CCDC9B: variants seen among roughly 807,000 people sequenced by gnomAD.
CCDC9B encodes coiled-coil domain-containing protein 9B.
In CCDC9B, 40 loss-of-function variants were observed where a neutral mutation model predicts 47.2. The observed-to-expected ratio is 0.85, with a 90% confidence interval of 0.66 to 1.10. CCDC9B has a LOEUF of 1.10. Ranked by LOEUF, CCDC9B falls within the 50% of genes least tolerant of loss-of-function variation. CCDC9B has a pLI of 0.00. For missense variants in CCDC9B, 662 were observed against 651.0 expected, an observed-to-expected ratio of 1.02 and a Z score of -0.18; for synonymous variants, 238 against 250.7, an observed-to-expected ratio of 0.95 and a Z score of 0.48.
chr15:40,337,510 C>A lies in CCDC9B; in HGVS notation c.684-64G>T, dbSNP rs565417600. 147 of 1,400,708 alleles carry A rather than the reference C, an allele frequency of 1.0e-4. 1 individual carries two copies. The South Asian group carries it at 1.9e-3, about 18-fold the overall frequency. The allele number at this position is 1,400,708 out of a possible 1,614,324, so 86.8% of individuals were successfully genotyped here. On this transcript the variant is annotated intron_variant, in intron 6 of 10. Coordinates refer to ENST00000397536, the MANE Select transcript of CCDC9B (RefSeq NM_207380.3). Reference sequence around the variant, plus strand: ...AGCTGCCGCGGGCCCCACCCTGACACCCCCCTCCCCGAAGCCCAGGCCCAG... The same window carrying A: ...AGCTGCCGCGGGCCCCACCCTGACAACCCCCTCCCCGAAGCCCAGGCCCAG...
chr15:40,337,336 T>G, intron 7 of CCDC9B, 52 bp downstream of exon 7: 1 of 1,496,022 alleles, frequency 6.7e-7, no homozygotes, highest in Non-Finnish European at 9.3e-7. Flanking sequence ...GACAAGGGGG[T>G]GAAAGATGAA....
intron 1 of CCDC9B, chr15:40,340,479 C>A (rs1482380497): frequency 2.5e-6 from 1 of 405,170 alleles, no homozygotes. Context: ...AGGCCCTGGA[C>A]CCCGCACCTA....
chr15:40,336,875 A>C, intron 7 of CCDC9B, 62 bp from the exon 8 acceptor site: 1 of 1,496,614 alleles, frequency 6.7e-7, no homozygotes, highest in East Asian at 2.3e-5. Flanking sequence ...CAGGAACACC[A>C]GTTCTTCCAG....
intron 1 of CCDC9B, 133 bp downstream of exon 1, chr15:40,340,675 G>C (rs1337031547): frequency 1.2e-6 from 1 of 802,704 alleles, no homozygotes; most frequent in Non-Finnish European, 1.9e-6. Flanking sequence ...CAGGTTCTCT[G>C]TTGTGACCCT....
intron 7 of CCDC9B, 32 bp from the exon 8 acceptor site, chr15:40,336,845 G>A (rs747239067): frequency 5.5e-5 from 87 of 1,574,600 alleles, no homozygotes; most frequent in Admixed American, 2.2e-4. Context: ...GGGAAAGGTG[G>A]GGTGACAAAG....
rs372352300 is a variant in CCDC9B at position 40,339,601 on chromosome 15, G to A, written c.142C>T (p.Arg48Trp). 7.6e-5 allele frequency: 123 copies of A among 1,613,502 alleles called. 1 individual carries two copies. In the Admixed American group the frequency reaches 8.2e-4, roughly 11 times the overall value. Residue 48 changes from arginine (R) to tryptophan (W), a missense_variant, in exon 3 of 11, where the codon CGG becomes TGG. Transcript: ENST00000397536. The stretch of plus-strand genomic sequence containing the variant: ...GCCATCCCCCCCTGCTCTGCCTGCC[G>A]ACGGTCCTCCTGGATCTCCTGTGGG... ...RRYQEIQEDRRQAEQGGMAVT... is the reference protein window; with the variant it reads ...RRYQEIQEDRWQAEQGGMAVT...
chr15:40,337,715 G>A lies in CCDC9B; in HGVS notation c.683+9C>T. The A allele has an allele frequency of 1.9e-6, 3 of 1,584,214 alleles. No homozygotes were observed. The highest frequency in any genetic ancestry group is 8.6e-7 in the Non-Finnish European group (1 of 1,168,092). ...CACCACAGGCAACCTGCCCAACCCA[G>A]CCACCCACGTGGACTTGGCCTTGTC... is the stretch of plus-strand genomic sequence containing the variant. On this transcript the variant is annotated intron_variant, in intron 6 of 10. Transcript: ENST00000397536.
rs1303183530 is a variant in CCDC9B, at chr15:40,335,499, G to A, written c.1132C>T (p.Leu378Phe). The A allele has an allele frequency of 6.4e-7, 1 of 1,571,624 alleles. No homozygotes were observed. Among genetic ancestry groups the A allele is most frequent in the Non-Finnish European group, 8.6e-7 (1 of 1,156,512 alleles). ...PQEPDLAPLD[L>F]SLGGAGIPGP... ...GGGATGCCAGCCCCTCCTAGGGAGA[G>A]GTCAAGAGGAGCCAAGTCAGGCTCC... The change falls in exon 11 of 11, where the codon CTC becomes TTC. Residue 378 changes from leucine to phenylalanine, a missense_variant. Transcript: ENST00000397536.
intron 3 of CCDC9B, 110 bp from the exon 4 acceptor site, chr15:40,339,013 T>G: frequency 5.0e-6 from 6 of 1,196,812 alleles, no homozygotes; most frequent in Non-Finnish European, 6.2e-6. Flanking sequence ...CCTCCCTGCA[T>G]TCCCCACAGA....
intron 5 of CCDC9B, chr15:40,338,145 G>T: frequency 5.5e-6 from 4 of 721,772 alleles, no homozygotes; most frequent in Non-Finnish European, 1.0e-5. Flanking sequence ...ACCCACAGGG[G>T]TGTTGCAGGG....
rs1204304771 is a variant in CCDC9B at position 40,334,178 on chromosome 15, G to A, written c.*980C>T. 6.5e-6 allele frequency: 1 copy of A among 152,730 alleles called. No homozygotes were observed. The highest frequency in any genetic ancestry group is 1.5e-5 in the Non-Finnish European group (1 of 68,070). 9.5% of individuals were successfully genotyped at this position (152,730 alleles called of 1,614,324 possible). ...TTTGTTGAACTGAGAGGAAGCCACA[G>A]CTTGTGCGGAGTCCGGATAATTCAG... On this transcript the variant is annotated 3_prime_UTR_variant, in exon 11 of 11. Transcript: ENST00000397536.
chr15:40,333,913 G>C lies in CCDC9B; in HGVS notation c.*1245C>G, dbSNP rs1888904565. ...GCGGTGAGGTCCACACTAGGGCTCA[G>C]GAGCAGAAGGCACACATAACAAGAA... On this transcript the variant is annotated 3_prime_UTR_variant, in exon 11 of 11. Coordinates refer to ENST00000397536, the MANE Select transcript of CCDC9B (RefSeq NM_207380.3). 1 of 152,584 alleles carries C rather than the reference G, an allele frequency of 6.6e-6. No homozygotes were observed. Among genetic ancestry groups the C allele is most frequent in the African/African-American group, 2.4e-5 (1 of 41,464 alleles). 9.5% of individuals were successfully genotyped at this position (152,584 alleles called of 1,614,324 possible). A position where few individuals can be genotyped will look rare whatever the true frequency, so the allele number is the denominator to read the frequency against.
chr15:40,339,714 C>A, intron 2 of CCDC9B, 95 bp from the exon 3 acceptor site: 4 of 1,561,534 alleles, frequency 2.6e-6, no homozygotes, highest in Non-Finnish European at 3.5e-6. Flanking sequence ...ACCAGTGGGA[C>A]ACCAGGGGGC....
chr15:40,340,571 A>G, intron 1 of CCDC9B: 1 of 532,194 alleles, frequency 1.9e-6, no homozygotes, highest in Non-Finnish European at 3.3e-6. Context: ...GTCGGGGCGG[A>G]GAGAGCCAGC....
rs1309328180 is a variant in CCDC9B, at chr15:40,335,547, T to C, written c.1084A>G (p.Ser362Gly). ...TCCTGTGGAGAGCAGGGGACTGAGCTGGCTGTGGAAGCCACTGACTCCCCC... is the reference window on the plus strand; with the variant it reads ...TCCTGTGGAGAGCAGGGGACTGAGCCGGCTGTGGAAGCCACTGACTCCCCC... ...PKGESVASTA[S>G]SVPCSPQEPD... The change falls in exon 11 of 11, where the codon AGC (serine) becomes GGC (glycine). Residue 362 changes from serine (S) to glycine (G), a missense_variant. Physicochemically the swap from Ser to Gly is moderately conservative, Grantham distance 56. Transcript: ENST00000397536. The C allele has an allele frequency of 5.9e-6, 9 of 1,514,918 alleles. No individual in the cohort carries two copies. The highest frequency in any genetic ancestry group is 2.3e-5 in the East Asian group (1 of 42,902). The allele number at this position is 1,514,918 out of a possible 1,614,324, so 93.8% of individuals were successfully genotyped here.
chr15:40,336,538 A>G (rs370144055), intron 9 of CCDC9B, 36 bp downstream of exon 9: 6 of 1,603,768 alleles, frequency 3.7e-6, no homozygotes, highest in Non-Finnish European at 5.1e-6. Context: ...GGACACCCAC[A>G]TGCCCGTCTT....
At chr15:40,339,385 T>C in intron 3 of CCDC9B, 127 bp downstream of exon 3, 1 of 957,626 alleles carries the variant, frequency 1.0e-6, no homozygotes, top group Non-Finnish European at 1.6e-6. Context: ...CTGCAGGAGG[T>C]TGGGAGCTGG....
At chr15:40,340,412 G>C (rs1435076294) in intron 1 of CCDC9B, 2 of 319,038 alleles carry the variant, frequency 6.3e-6, no homozygotes, top group African/African-American at 4.3e-5. Flanking sequence ...GAGCTGTTTG[G>C]CTCCCAGATC....
chr15:40,335,508 G>C lies in CCDC9B; in HGVS notation c.1123C>G (p.Pro375Ala), dbSNP rs1004481033. 1.9e-6 allele frequency: 3 copies of C among 1,564,132 alleles called. No individual in the cohort carries two copies. The highest frequency in any genetic ancestry group is 1.7e-6 in the Non-Finnish European group (2 of 1,152,576). The stretch of plus-strand genomic sequence containing the variant: ...GCCCCTCCTAGGGAGAGGTCAAGAG[G>C]AGCCAAGTCAGGCTCCTGTGGAGAG... Reference protein sequence around the residue: ...PCSPQEPDLAPLDLSLGGAGI... With the variant: ...PCSPQEPDLAALDLSLGGAGI... The change falls in exon 11 of 11, where the codon CCT becomes GCT. Residue 375 changes from proline to alanine, a missense_variant. Coordinates refer to ENST00000397536, the MANE Select transcript of CCDC9B (RefSeq NM_207380.3).
Sources: allele counts gnomAD v4.1 joint callset, GRCh38; gene constraint gnomAD v4.1.1; transcripts MANE v1.5; gene names NCBI Gene and HGNC (gene_info 2026-07-23, HGNC 2026-07-21).